NCS1: variants seen among roughly 807,000 people sequenced by gnomAD.
The protein encoded by NCS1 is frequenin homolog.
Under a neutral mutation model 28.4 loss-of-function variants are expected in NCS1, and 6 were observed. The ratio of observed to expected loss-of-function variants is 0.21; its 90% CI spans 0.12 to 0.42. The LOEUF (loss-of-function observed/expected upper bound fraction) is 0.42, where lower values mean the gene tolerates loss of function less well. Among genes scored for constraint, NCS1 ranks in the 10% least tolerant of loss-of-function variants. The pLI, the probability that NCS1 is intolerant of heterozygous loss-of-function variation, is 1.00. For missense variants in NCS1, 131 were observed against 241.4 expected, an observed-to-expected ratio of 0.54 and a Z score of 3.03; for synonymous variants, 86 against 99.3, an observed-to-expected ratio of 0.87 and a Z score of 0.79.
chr9:130,221,863 A>C (rs190819711), intron 4 of NCS1, among the ~76,000 whole-genome samples: 1 of 28,614 alleles, frequency 3.5e-5, no homozygotes, highest in Non-Finnish European at 5.6e-5. Context: ...AATTATGTAT[A>C]TATAAATATA....
rs532454813 is a variant in NCS1, at chr9:130,175,638, G to A, written c.64+2911G>A. 5.3e-5 allele frequency among the ~76,000 whole-genome samples: 8 copies of A among 152,268 alleles called. No individual in the cohort carries two copies. In the South Asian group the frequency reaches 1.7e-3, roughly 32 times the overall value. On this transcript the variant is annotated intron_variant, in intron 1 of 7. Coordinates refer to ENST00000372398, the MANE Select transcript of NCS1 (RefSeq NM_014286.4). The surrounding 1 kb of genome is among the most constrained non-coding windows in gnomAD (Gnocchi z 4.9). Reference sequence around the variant, plus strand: ...TGGGTCCACGTCCGAGTCGGTGCTGGGCAGTGTCCTTGGTGGGCGTCTCTG... The same window carrying A: ...TGGGTCCACGTCCGAGTCGGTGCTGAGCAGTGTCCTTGGTGGGCGTCTCTG...
chr9:130,221,982 T>TATATACATAAATATAAATTATGTATATAA (rs1833319733), intron 4 of NCS1, among the ~76,000 whole-genome samples: 1 of 102,336 alleles, frequency 9.8e-6, no homozygotes, highest in Non-Finnish European at 1.9e-5. Context: ...TATATAAATA[T>TATATACATAAATATAAATTATGTATATAA]ATATACATAA....
intron 4 of NCS1, among the ~76,000 whole-genome samples, chr9:130,221,580 C>T (rs1240586676): frequency 1.2e-4 from 17 of 137,384 alleles, no homozygotes; most frequent in Admixed American, 1.1e-3. Flanking sequence ...TACAGGCGCC[C>T]GCCACCACAC....
At chr9:130,176,696 C>T (rs56379377) in intron 1 of NCS1, among the ~76,000 whole-genome samples, 18,328 of 152,222 alleles carry the variant, frequency 0.12, 1,442 homozygotes, top group African/African-American at 0.22. Flanking sequence ...CCTCCGCAGC[C>T]CCACTTGTGA....
intron 1 of NCS1, among the ~76,000 whole-genome samples, chr9:130,182,516 C>T (rs1832674672): frequency 6.6e-6 from 1 of 152,220 alleles, no homozygotes; most frequent in Non-Finnish European, 1.5e-5. Flanking sequence ...TTTGGGGCAG[C>T]CTCCGCCTTG....
Sources: allele counts gnomAD v4.1 joint callset (sites outside exome capture counted in the v4.1 genomes callset), GRCh38; gene constraint gnomAD v4.1.1; non-coding constraint Gnocchi (gnomAD v3.1); transcripts MANE v1.5; gene names NCBI Gene and HGNC (gene_info 2026-07-23, HGNC 2026-07-21).